C15orf39: variants seen among roughly 807,000 people sequenced by gnomAD.
C15orf39 encodes the protein uncharacterized protein C15orf39.
Under a neutral mutation model 53.9 loss-of-function variants are expected in C15orf39, and 24 were observed. The ratio of observed to expected loss-of-function variants is 0.45; its 90% CI spans 0.32 to 0.63. The LOEUF (loss-of-function observed/expected upper bound fraction) is 0.63, where lower values mean the gene tolerates loss of function less well. Among genes scored for constraint, C15orf39 ranks in the 20% least tolerant of loss-of-function variants. C15orf39 has a pLI of 0.04. For missense variants in C15orf39, 1,271 were observed against 1,347.9 expected, an observed-to-expected ratio of 0.94 and a Z score of 0.89; for synonymous variants, 569 against 576.5, an observed-to-expected ratio of 0.99 and a Z score of 0.19.
chr15:75,210,293 G>A (rs1030513592), intron 2 of C15orf39, among the ~76,000 whole-genome samples: 3 of 152,174 alleles, frequency 2.0e-5, no homozygotes, highest in Non-Finnish European at 2.9e-5. Context: ...TTTGTTGTGG[G>A]TGGGTTCCTG....
Position 75,207,738 on chromosome 15 carries a change from C to T in C15orf39, c.1690C>T (p.Leu564=), listed in dbSNP as rs1291881525. Residue 564 remains leucine (L), a synonymous_variant, in exon 2 of 3, where the codon CTA becomes TTA. Coordinates refer to ENST00000394987, the MANE Select transcript of C15orf39 (RefSeq NM_015492.5). ...AQEGPSGSKP[L]RGSLKEEVAL... ...GGAGGGCCCCTCAGGGAGTAAACCC[C>T]TAAGGGGCTCACTTAAGGAGGAGGT... 1 of 1,607,004 alleles carries T rather than the reference C, an allele frequency of 6.2e-7. No homozygotes were observed. The highest frequency in any genetic ancestry group is 1.3e-5 in the African/African-American group (1 of 74,704).
chr15:75,200,686 G>A (rs1421984395), upstream of C15orf39, among the ~76,000 whole-genome samples: 37 of 152,164 alleles, frequency 2.4e-4, no homozygotes, highest in Non-Finnish European at 1.5e-5. Context: ...GGAGCCAGGA[G>A]ATCTGGGATT....
rs780068598 is a variant in C15orf39, at chr15:75,207,293, G to A, written c.1245G>A (p.Arg415=). 25 of 1,613,326 alleles carry A rather than the reference G, an allele frequency of 1.5e-5. No individual in the cohort carries two copies. The highest frequency in any genetic ancestry group is 2.1e-5 in the Non-Finnish European group (25 of 1,180,004). The change falls in exon 2 of 3, where the codon AGG becomes AGA. Residue 415 remains arginine (R), a synonymous_variant. Transcript: ENST00000394987. The stretch of plus-strand genomic sequence containing the variant: ...TGCCACAGCCTGGTGCCTTCCAGAG[G>A]GCATGCCAGCCTTTGCCAGCGAGCC... ...RAVPQPGAFQ[R]ACQPLPASQP...
At chr15:75,210,716 G>A in intron 2 of C15orf39, 33 bp from the exon 3 acceptor site, 3 of 1,572,402 alleles carry the variant, frequency 1.9e-6, no homozygotes, top group Non-Finnish European at 2.6e-6. Flanking sequence ...GAGGGTATGG[G>A]GTCTGCAGGC....
At position 75,206,426 on chromosome 15, in the gene C15orf39, A is replaced by G. The variant is rs2070438837; in HGVS notation, c.378A>G (p.Pro126=). The G allele has an allele frequency of 4.3e-6, 7 of 1,613,762 alleles. No individual in the cohort carries two copies. The highest frequency in any genetic ancestry group is 5.9e-6 in the Non-Finnish European group (7 of 1,179,902). The part of the protein sequence containing the change: ...SPQAHSYPGP[P]LAAPKPVYRN... Reference sequence around the variant, plus strand: ...AGGCTCACTCCTACCCAGGCCCACCACTGGCAGCACCCAAACCTGTCTACC... The same window carrying G: ...AGGCTCACTCCTACCCAGGCCCACCGCTGGCAGCACCCAAACCTGTCTACC... The change falls in exon 2 of 3, where the codon CCA becomes CCG. Residue 126 remains proline (P), a synonymous_variant. Coordinates refer to ENST00000394987, the MANE Select transcript of C15orf39 (RefSeq NM_015492.5).
intron 2 of C15orf39, among the ~76,000 whole-genome samples, chr15:75,209,981 T>G (rs181155596): frequency 1.8e-3 from 267 of 152,100 alleles, no homozygotes; most frequent in African/African-American, 6.1e-3. Context: ...TGAGTGAGGG[T>G]CCCACATCAC....
In C15orf39 at chr15:75,206,341, C is replaced by T. The variant is rs116549616; in HGVS notation, c.293C>T (p.Ala98Val). The T allele has an allele frequency of 1.0e-3, 1,677 of 1,614,094 alleles. 15 individuals carry two copies. In the African/African-American group the frequency reaches 0.018, roughly 18 times the overall value. ...AACTGCCTGTTCTACCGCTCGCCAG[C>T]AGAAGGCCCTGAGAAGATGCAGGAC... is the stretch of plus-strand genomic sequence containing the variant. ...LTNCLFYRSP[A>V]EGPEKMQDSS... The change falls in exon 2 of 3, where the codon GCA (alanine) becomes GTA (valine). Residue 98 changes from alanine (A) to valine (V), a missense_variant. By Grantham distance (64) the Ala-to-Val change is moderately conservative. This residue lies in a region of C15orf39 where 994 missense variants were observed against 993.7 expected (regional missense o/e 1.00). Coordinates refer to ENST00000394987, the MANE Select transcript of C15orf39 (RefSeq NM_015492.5).
chr15:75,208,827 G>A lies in C15orf39; in HGVS notation c.2776+3G>A, dbSNP rs2070462685. On this transcript the variant is annotated splice_donor_region_variant and intron_variant, in intron 2 of 2. Coordinates refer to ENST00000394987, the MANE Select transcript of C15orf39 (RefSeq NM_015492.5). Reference sequence around the variant, plus strand: ...CGACTGTGTACGCCGCCAGCTGGGTGAGCATGGGGCAGCCCCAGTGGCCAC... The same window carrying A: ...CGACTGTGTACGCCGCCAGCTGGGTAAGCATGGGGCAGCCCCAGTGGCCAC... The A allele has an allele frequency of 1.3e-6, 2 of 1,587,990 alleles. No homozygotes were observed. The highest frequency in any genetic ancestry group is 1.7e-6 in the Non-Finnish European group (2 of 1,168,844).
chr15:75,206,259 C>A lies in C15orf39; in HGVS notation c.211C>A (p.Pro71Thr). The A allele has an allele frequency of 6.2e-7, 1 of 1,614,110 alleles. No individual in the cohort carries two copies. The highest frequency in any genetic ancestry group is 1.7e-5 in the Admixed American group (1 of 60,002). Residue 71 changes from proline to threonine, a missense_variant, in exon 2 of 3, where the codon CCC becomes ACC. By Grantham distance (38) the Pro-to-Thr change is conservative. This residue lies in a region of C15orf39 where 994 missense variants were observed against 993.7 expected (regional missense o/e 1.00). Coordinates refer to ENST00000394987, the MANE Select transcript of C15orf39 (RefSeq NM_015492.5). ...GTTGGCGTCCTGGACCCCATACCCA[C>A]CCTTGTACTCTACCGGTATGGCAGG... ...EQLASWTPYPPLYSTGMAGPP... is the reference protein window; with the variant it reads ...EQLASWTPYPTLYSTGMAGPP...
chr15:75,211,151 T>A lies in C15orf39; in HGVS notation c.*35T>A. 1 of 1,541,156 alleles carries A rather than the reference T, an allele frequency of 6.5e-7. No homozygotes were observed. Among genetic ancestry groups the A allele is most frequent in the Non-Finnish European group, 8.7e-7 (1 of 1,147,324 alleles). On this transcript the variant is annotated 3_prime_UTR_variant, in exon 3 of 3. Transcript: ENST00000394987. ...CCAGTGCTGTGTGTATAGCAGTCAC[T>A]CTCCACCCTTCCCTTCTGCCTGCCC...
Position 75,206,443 on chromosome 15 carries a change from C to G in C15orf39, c.395C>G (p.Pro132Arg). The G allele has an allele frequency of 6.2e-7, 1 of 1,614,022 alleles. No individual in the cohort carries two copies. Among genetic ancestry groups the G allele is most frequent in the Non-Finnish European group, 8.5e-7 (1 of 1,179,958 alleles). ...GGCCCACCACTGGCAGCACCCAAAC[C>G]TGTCTACCGCAACCCTCTGTGCTAT... ...YPGPPLAAPK[P>R]VYRNPLCYGL... is the part of the protein sequence containing the mutation. Residue 132 changes from proline (P) to arginine (R), a missense_variant, in exon 2 of 3, where the codon CCT (proline) becomes CGT (arginine). Physicochemically the swap from Pro to Arg is moderately radical, Grantham distance 103. Transcript: ENST00000394987.
In C15orf39 at chr15:75,208,264, G is replaced by T. The variant is rs569706710; in HGVS notation, c.2216G>T (p.Arg739Leu). Residue 739 changes from arginine (R) to leucine (L), a missense_variant, in exon 2 of 3, where the codon CGG (arginine) becomes CTG (leucine). Transcript: ENST00000394987. ...PARAQAPASA[R>L]DPAPAPAPVA... ...CGAGCTCAGGCTCCAGCTTCAGCCC[G>T]GGATCCAGCTCCAGCTCCAGCTCCA... 1.2e-5 allele frequency: 19 copies of T among 1,591,338 alleles called. No individual in the cohort carries two copies. Among genetic ancestry groups the T allele is most frequent in the Non-Finnish European group, 1.6e-5 (19 of 1,167,506 alleles).
chr15:75,210,704 C>T, intron 2 of C15orf39, 45 bp from the exon 3 acceptor site: 2 of 1,550,186 alleles, frequency 1.3e-6, no homozygotes, highest in Non-Finnish European at 1.7e-6. Context: ...GAGGTGGGAC[C>T]TGAGGGTATG....
intron 2 of C15orf39, 58 bp downstream of exon 2, chr15:75,208,882 T>C (rs553016284): frequency 6.5e-7 from 1 of 1,536,700 alleles, no homozygotes; most frequent in Non-Finnish European, 8.7e-7. Context: ...GACAGGTGTG[T>C]GTGCTGTGTG....
rs916303835 is a variant in C15orf39, at chr15:75,211,464, C to T, written c.*348C>T. The T allele has an allele frequency of 1.6e-4, 40 of 248,248 alleles. No individual in the cohort carries two copies. The highest frequency in any genetic ancestry group is 4.2e-4 in the Admixed American group (8 of 18,834). The allele number at this position is 248,248 out of a possible 1,614,324, so 15.4% of individuals were successfully genotyped here. ...ATTCCCCATGTGTAAAATGGGACAA[C>T]GCAACCTACCTCACAGGGTTGTTGT... On this transcript the variant is annotated 3_prime_UTR_variant, in exon 3 of 3. Coordinates refer to ENST00000394987, the MANE Select transcript of C15orf39 (RefSeq NM_015492.5).
In C15orf39 at chr15:75,206,810, C is replaced by A; in HGVS notation, c.762C>A (p.Ala254=). 1 of 1,606,344 alleles carries A rather than the reference C, an allele frequency of 6.2e-7. No homozygotes were observed. The highest frequency in any genetic ancestry group is 8.5e-7 in the Non-Finnish European group (1 of 1,176,368). The change falls in exon 2 of 3, where the codon GCC becomes GCA. Residue 254 remains alanine, a synonymous_variant. Transcript: ENST00000394987. ...EGPSSPWTQL[A]QPLGPPCQDT... ...CCTCAAGTCCTTGGACCCAGCTGGC[C>A]CAGCCCCTGGGGCCACCCTGTCAGG...
At chr15:75,210,229 C>T (rs1386728766) in intron 2 of C15orf39, among the ~76,000 whole-genome samples, 1 of 152,212 alleles carries the variant, frequency 6.6e-6, no homozygotes, top group East Asian at 1.9e-4. Flanking sequence ...CACTCCCTCC[C>T]ACCTTGGGGG....
upstream of C15orf39, among the ~76,000 whole-genome samples, chr15:75,200,394 C>T (rs1312305944): frequency 6.6e-6 from 1 of 152,190 alleles, no homozygotes; most frequent in Non-Finnish European, 1.5e-5. Context: ...GGAGAGACCA[C>T]TGGGCACATC....
chr15:75,211,320 CCTA>C lies in C15orf39; in HGVS notation c.*205_*207del. On this transcript the variant is annotated 3_prime_UTR_variant, in exon 3 of 3. Transcript: ENST00000394987. ...GGGTCTTTATTGGATAGGACTACTC[CCTA>C]TTTCTTGCCTAGAGAACACACATGG... 1.7e-6 allele frequency: 1 copy of C among 587,414 alleles called. No homozygotes were observed. The highest frequency in any genetic ancestry group is 2.8e-6 in the Non-Finnish European group (1 of 363,022). 36.4% of individuals were successfully genotyped at this position (587,414 alleles called of 1,614,324 possible). A position where few individuals can be genotyped will look rare whatever the true frequency, so the allele number is the denominator to read the frequency against.
Sources: allele counts gnomAD v4.1 joint callset (sites outside exome capture counted in the v4.1 genomes callset), GRCh38; gene constraint gnomAD v4.1.1; regional missense constraint gnomAD v4.1.1; transcripts MANE v1.5; gene names NCBI Gene and HGNC (gene_info 2026-07-23, HGNC 2026-07-21).